The following HCCS variants were observed in gnomAD, a reference collection of about 807,000 sequenced individuals.
HCCS encodes the protein holocytochrome c-type synthase.
A neutral mutation model predicts 24.2 loss-of-function variants in HCCS; 2 were observed. The ratio of observed to expected loss-of-function variants is 0.08; its 90% CI spans 0.03 to 0.26. The LOEUF is 0.26. Among genes scored for constraint, HCCS ranks in the 10% least tolerant of loss-of-function variants. The pLI is 1.00. For synonymous variants in HCCS, 73 were observed against 76.2 expected, an observed-to-expected ratio of 0.96 and a Z score of 0.22; for missense variants, 150 against 213.3, an observed-to-expected ratio of 0.70 and a Z score of 1.85.
In HCCS at chrX:11,121,765, A is replaced by G. The variant is rs1027305580; in HGVS notation, c.762A>G (p.Ala254=). ...GTCCTGCCTTAGATTCACTTTCGGCAGTATGGGACAGAATGAAAGTCGCTT... is the reference window on the plus strand; with the variant it reads ...GTCCTGCCTTAGATTCACTTTCGGCGGTATGGGACAGAATGAAAGTCGCTT... The part of the protein sequence containing the change: ...DVRPALDSLS[A]VWDRMKVAWW... The change falls in exon 7 of 7, where the codon GCA becomes GCG. Residue 254 remains alanine (A), a synonymous_variant. Transcript: ENST00000380762. 1 of 1,211,602 alleles carries G rather than the reference A, an allele frequency of 8.3e-7. No homozygotes were observed. The highest frequency in any genetic ancestry group is 1.7e-5 in the African/African-American group (1 of 57,931).
intron 2 of HCCS, among the ~76,000 whole-genome samples, chrX:11,114,486 C>T (rs946554849): frequency 8.9e-6 from 1 of 112,286 alleles, no homozygotes; most frequent in African/African-American, 3.2e-5. Context: ...TTAGGTTCCT[C>T]TAACAGCTCC....
chrX:11,114,703 T>G, intron 2 of HCCS, 132 bp from the exon 3 acceptor site: 1 of 593,528 alleles, frequency 1.7e-6, no homozygotes, highest in Non-Finnish European at 2.9e-6. Flanking sequence ...CTTGATAGAT[T>G]TAAACAGAAG....
At chrX:11,116,470 G>A (rs985628720) in intron 3 of HCCS, among the ~76,000 whole-genome samples, 7 of 112,596 alleles carry the variant, frequency 6.2e-5, no homozygotes, top group Non-Finnish European at 7.5e-5. Context: ...TCCTGCTGTC[G>A]GTATTCTGAG....
chrX:11,111,565 C>G (rs902562034), intron 1 of HCCS, 47 bp downstream of exon 1: 3 of 150,983 alleles, frequency 2.0e-5, no homozygotes, highest in African/African-American at 9.5e-5. Context: ...GGCAGCTTCT[C>G]GACCTCTGGT....
chrX:11,120,543 AC>A (rs2045483986), intron 5 of HCCS, among the ~76,000 whole-genome samples: 2 of 109,709 alleles, frequency 1.8e-5, no homozygotes, highest in Admixed American at 9.7e-5. Context: ...TGTCTGAAAA[AC>A]CCCAGCTGCT....
chrX:11,114,934 C>G lies in HCCS; in HGVS notation c.200C>G (p.Pro67Arg). 1 of 1,205,505 alleles carries G rather than the reference C, an allele frequency of 8.3e-7. No homozygotes were observed. Among genetic ancestry groups the G allele is most frequent in the Non-Finnish European group, 1.1e-6 (1 of 889,834 alleles). Residue 67 changes from proline (P) to arginine (R), a missense_variant, in exon 3 of 7, where the codon CCC becomes CGC. Transcript: ENST00000380762. ...QERAYEYVEC[P>R]IRGTAAENKE... is the part of the protein sequence containing the mutation. Reference sequence around the variant, plus strand: ...CGCGCCTATGAGTACGTGGAGTGTCCCATTAGGGGCACTGCGGCTGAGAAT... The same window carrying G: ...CGCGCCTATGAGTACGTGGAGTGTCGCATTAGGGGCACTGCGGCTGAGAAT...
At position 11,122,868 on chromosome X, in the gene HCCS, GCTT is replaced by G. The variant is rs2045502971; in HGVS notation, c.*1059_*1061del. Reference sequence around the variant, plus strand: ...TTATAGCAGCATGTTACAAATGACTGCTTTTTTTTTTTAACTGTCTATACTATT... The same window carrying G: ...TTATAGCAGCATGTTACAAATGACTGTTTTTTTTTAACTGTCTATACTATT... On this transcript the variant is annotated 3_prime_UTR_variant, in exon 7 of 7. Transcript: ENST00000380762. 9.2e-6 allele frequency: 1 copy of G among 109,076 alleles called. No homozygotes were observed. Among genetic ancestry groups the G allele is most frequent in the Non-Finnish European group, 1.9e-5 (1 of 52,700 alleles). 9.0% of individuals were successfully genotyped at this position (109,076 alleles called of 1,213,427 possible). A position where few individuals can be genotyped will look rare whatever the true frequency, so the allele number is the denominator to read the frequency against.
chrX:11,115,981 G>A (rs2045445162), intron 3 of HCCS: 1 of 112,017 alleles, frequency 8.9e-6, no homozygotes, highest in Non-Finnish European at 1.9e-5. Context: ...CAGAACATGG[G>A]CCTTTTGGAA....
At chrX:11,119,729 A>G (rs1309738769) in intron 5 of HCCS, among the ~76,000 whole-genome samples, 2 of 112,487 alleles carry the variant, frequency 1.8e-5, no homozygotes, top group African/African-American at 6.5e-5. Flanking sequence ...AGAGGGGAAC[A>G]ACTGCAACCG....
At chrX:11,115,044 C>T in intron 3 of HCCS, 58 bp downstream of exon 3, 1 of 1,015,314 alleles carries the variant, frequency 9.8e-7, no homozygotes, top group South Asian at 1.9e-5. Flanking sequence ...CTTATACAGA[C>T]TCCCAAGACA....
rs2045468186 is a variant in HCCS, at chrX:11,118,732, G to A, written c.521+112G>A. On this transcript the variant is annotated intron_variant, in intron 5 of 6. Transcript: ENST00000380762. ...TCTAATAAAACATTTTATGTAGCAG[G>A]CATGGCTCAGTGACAATTGTTGCAT... 3.7e-6 allele frequency: 3 copies of A among 817,204 alleles called. No homozygotes were observed. The Admixed American group carries it at 6.9e-5, about 19-fold the overall frequency. 67.3% of individuals were successfully genotyped at this position (817,204 alleles called of 1,213,427 possible).
chrX:11,121,710 A>G lies in HCCS; in HGVS notation c.707A>G (p.Lys236Arg). 3.3e-6 allele frequency: 4 copies of G among 1,206,816 alleles called. No individual in the cohort carries two copies. The highest frequency in any genetic ancestry group is 3.4e-6 in the Non-Finnish European group (3 of 890,566). ...TATTATGATGGTGGTGAAGTCAACA[A>G]GGACTACCAGTTCACCATCCTGGAC... Reference protein sequence around the residue: ...IDYYDGGEVNKDYQFTILDVR... With the variant: ...IDYYDGGEVNRDYQFTILDVR... Residue 236 changes from lysine to arginine, a missense_variant, in exon 7 of 7, where the codon AAG becomes AGG. Lys to Arg is a conservative substitution (Grantham distance 26). Around this residue, in one of 2 missense-constraint regions of HCCS, gnomAD observed 55 missense variants for 134.2 expected, o/e 0.41. Transcript: ENST00000380762.
rs914934272 is a variant in HCCS at position 11,122,712 on chromosome X, C to T, written c.*902C>T. On this transcript the variant is annotated 3_prime_UTR_variant, in exon 7 of 7. Transcript: ENST00000380762. The stretch of plus-strand genomic sequence containing the variant: ...ATATTTGGCTGAGTGTTAAAATTCA[C>T]AAGATGAGCATTTTTTTCCCAGATG... 2.7e-5 allele frequency: 3 copies of T among 112,493 alleles called. No homozygotes were observed. The highest frequency in any genetic ancestry group is 3.8e-5 in the Non-Finnish European group (2 of 53,315). 9.3% of individuals were successfully genotyped at this position (112,493 alleles called of 1,213,427 possible).
intron 5 of HCCS, 34 bp downstream of exon 5, chrX:11,118,654 A>G (rs1198096697): frequency 8.5e-7 from 1 of 1,181,908 alleles, no homozygotes; most frequent in Non-Finnish European, 1.2e-6. Flanking sequence ...TGTTTCAAGC[A>G]TCTTTGTTAT....
intron 5 of HCCS, among the ~76,000 whole-genome samples, chrX:11,119,633 GT>G (rs1403813695): frequency 8.9e-6 from 1 of 112,573 alleles, no homozygotes; most frequent in Non-Finnish European, 1.9e-5. Flanking sequence ...TGTTTTGTTT[GT>G]TTTTAATATT....
At chrX:11,119,495 G>T (rs192457238) in intron 5 of HCCS, among the ~76,000 whole-genome samples, 1 of 112,388 alleles carries the variant, frequency 8.9e-6, no homozygotes, top group East Asian at 2.8e-4. Flanking sequence ...CCTAGACTGG[G>T]TGTATCTAGA....
chrX:11,116,505 A>G (rs183614153), intron 3 of HCCS, among the ~76,000 whole-genome samples: 4 of 112,885 alleles, frequency 3.5e-5, no homozygotes, highest in African/African-American at 1.3e-4. Context: ...GGAGACTTTT[A>G]ATTAATGTTT....
intron 5 of HCCS, among the ~76,000 whole-genome samples, chrX:11,119,602 C>T (rs1242069435): frequency 8.9e-6 from 1 of 112,345 alleles, no homozygotes; most frequent in Non-Finnish European, 1.9e-5. Context: ...GGCTAAAGTC[C>T]ACTTAATGAT....
At chrX:11,111,703 C>T (rs2045409683) in intron 1 of HCCS, among the ~76,000 whole-genome samples, 185 bp downstream of exon 1, 1 of 111,909 alleles carries the variant, frequency 8.9e-6, no homozygotes, top group Non-Finnish European at 1.9e-5. Flanking sequence ...ACCCGGGTCA[C>T]CACTCCTCGG....
Sources: allele counts gnomAD v4.1 joint callset (sites outside exome capture counted in the v4.1 genomes callset), GRCh38; gene constraint gnomAD v4.1.1; regional missense constraint gnomAD v4.1.1; transcripts MANE v1.5; gene names NCBI Gene and HGNC (gene_info 2026-07-23, HGNC 2026-07-21).